Variants in NLGN4Y observed in about 807,000 individuals in gnomAD.
The protein encoded by NLGN4Y is neuroligin-4, Y-linked.
In NLGN4Y, 4 loss-of-function variants were observed where a neutral mutation model predicts 8.4. The observed-to-expected ratio is 0.48, with a 90% CI of 0.23 to 1.09. The LOEUF (loss-of-function observed/expected upper bound fraction) is 1.09. NLGN4Y is among the 50% of genes least tolerant of loss of function. The pLI is 0.19. For synonymous variants in NLGN4Y, 35 were observed against 75.6 expected (o/e 0.46, Z 2.78); for missense variants, 90 against 192.3 (o/e 0.47, Z 3.15).
intron 4 of NLGN4Y, among the ~76,000 whole-genome samples, chrY:14,788,366 C>T: frequency 3.0e-5 from 1 of 33,151 alleles, no homozygotes; most frequent in Non-Finnish European, 7.4e-5. Context: ...TCCAGGGATG[C>T]GTTCACTTCC....
chrY:14,811,352 C>T (rs2043079000), intron 4 of NLGN4Y, among the ~76,000 whole-genome samples: 2 of 33,513 alleles, frequency 6.0e-5, no homozygotes, highest in African/African-American at 1.2e-4. Flanking sequence ...TAAACTTTTC[C>T]TGTTTGGTGT....
chrY:14,623,582 G>A (rs534176122), intron 2 of NLGN4Y, among the ~76,000 whole-genome samples: 1 of 34,016 alleles, frequency 2.9e-5, no homozygotes, highest in East Asian at 7.7e-4. Context: ...TTCTTTTATG[G>A]AGAATTTTTT....
intron 1 of NLGN4Y, among the ~76,000 whole-genome samples, chrY:14,533,705 C>A: frequency 3.0e-5 from 1 of 32,848 alleles, no homozygotes; most frequent in Admixed American, 2.8e-4. Flanking sequence ...AGGTTTTAAG[C>A]CCCACATGCA....
intron 2 of NLGN4Y, among the ~76,000 whole-genome samples, chrY:14,623,519 A>G (rs2080518135): frequency 5.9e-5 from 2 of 34,176 alleles, no homozygotes; most frequent in Non-Finnish European, 1.5e-4. Context: ...TATCTAATGT[A>G]GAAACTAGAG....
At position 14,712,600 on chromosome Y, in the gene NLGN4Y, C is replaced by T. The variant is rs2080902939; in HGVS notation, c.473-6859C>T. Among the ~76,000 whole-genome samples the T allele has an allele frequency of 9.0e-5, 3 of 33,209 alleles. No homozygotes were observed. The South Asian group carries it at 2.1e-3, about 23-fold the overall frequency. The allele number at this position is 33,209 out of a possible 37,273, so 89.1% of individuals were successfully genotyped here. On this transcript the variant is annotated intron_variant, in intron 2 of 6. Coordinates refer to ENST00000684976, the MANE Select transcript of NLGN4Y (RefSeq NM_001365588.1). ...AGCCCTAACCCTCTTCCTCACCAGC[C>T]ACCCTTCTATCCCCAGACTGGCCTA...
chrY:14,563,598 A>G, intron 1 of NLGN4Y, among the ~76,000 whole-genome samples: 2 of 33,331 alleles, frequency 6.0e-5, no homozygotes, highest in Non-Finnish European at 1.5e-4. Context: ...GCTGTTTGGA[A>G]TAGTTTCCAA....
At chrY:14,689,511 G>A (rs966103799) in intron 2 of NLGN4Y, among the ~76,000 whole-genome samples, 1 of 32,677 alleles carries the variant, frequency 3.1e-5, no homozygotes, top group Non-Finnish European at 7.6e-5. Flanking sequence ...GTGGGGAGTC[G>A]ATAGAATTTG....
At chrY:14,777,531 T>C in intron 4 of NLGN4Y, among the ~76,000 whole-genome samples, 1 of 31,818 alleles carries the variant, frequency 3.1e-5, no homozygotes, top group African/African-American at 1.2e-4. Context: ...CTTTCATCAA[T>C]TTTGAGAGCA....
intron 4 of NLGN4Y, among the ~76,000 whole-genome samples, chrY:14,803,284 G>A: frequency 3.9e-5 from 1 of 25,396 alleles, no homozygotes. Flanking sequence ...TAATATATGT[G>A]ATCTTGTTAA....
chrY:14,550,516 C>G (rs1056446313), intron 1 of NLGN4Y, among the ~76,000 whole-genome samples: 1 of 33,863 alleles, frequency 3.0e-5, no homozygotes, highest in African/African-American at 1.2e-4. Flanking sequence ...TGGCTGGTGC[C>G]GGTTGTTCCT....
chrY:14,691,642 T>C (rs770114231), intron 2 of NLGN4Y, among the ~76,000 whole-genome samples: 1 of 33,558 alleles, frequency 3.0e-5, no homozygotes, highest in African/African-American at 1.2e-4. Flanking sequence ...CGTGTGTGTG[T>C]GCATGTATGT....
intron 1 of NLGN4Y, 103 bp from the exon 2 acceptor site, chrY:14,621,906 A>G (rs763909589): frequency 4.4e-4 from 71 of 162,310 alleles, no homozygotes; most frequent in African/African-American, 3.8e-3. Context: ...AATGAATAGG[A>G]ATTTCATAGA....
chrY:14,835,458 A>G (rs750727025), intron 6 of NLGN4Y, among the ~76,000 whole-genome samples: 9 of 24,097 alleles, frequency 3.7e-4, no homozygotes, highest in Non-Finnish European at 7.8e-4. Flanking sequence ...GGAAAGAAAG[A>G]GGGAAGAGGG....
intron 1 of NLGN4Y, among the ~76,000 whole-genome samples, chrY:14,567,294 A>G (rs1603499889): frequency 4.0e-5 from 1 of 25,267 alleles, no homozygotes; most frequent in East Asian, 1.0e-3. Context: ...CAATGGCACA[A>G]TCTTGGCTTA....
chrY:14,699,256 C>T, intron 2 of NLGN4Y, among the ~76,000 whole-genome samples: 7 of 33,362 alleles, frequency 2.1e-4, no homozygotes, highest in African/African-American at 8.2e-4. Flanking sequence ...GCCAAGAATG[C>T]TTTTAGTGTG....
chrY:14,727,121 T>C (rs2080957580), intron 4 of NLGN4Y, among the ~76,000 whole-genome samples: 1 of 33,441 alleles, frequency 3.0e-5, no homozygotes, highest in African/African-American at 1.2e-4. Flanking sequence ...ATTTGAGATA[T>C]TAGTATTGTC....
At chrY:14,534,426 G>C in intron 1 of NLGN4Y, among the ~76,000 whole-genome samples, 1 of 33,230 alleles carries the variant, frequency 3.0e-5, no homozygotes, top group East Asian at 7.8e-4. Flanking sequence ...GATTTAGCAG[G>C]CATACCAAAT....
At chrY:14,626,125 C>T in intron 2 of NLGN4Y, among the ~76,000 whole-genome samples, 1 of 34,030 alleles carries the variant, frequency 2.9e-5, no homozygotes, top group Admixed American at 2.6e-4. Flanking sequence ...TTCTTGGTCT[C>T]ACTGACTTCA....
At chrY:14,777,271 A>G in intron 4 of NLGN4Y, among the ~76,000 whole-genome samples, 1 of 33,662 alleles carries the variant, frequency 3.0e-5, no homozygotes, top group Non-Finnish European at 7.4e-5. Context: ...AATTCGGTGA[A>G]CTATTTCTGT....
Sources: gnomAD v4.1 joint callset for allele counts (sites outside exome capture counted in the v4.1 genomes callset) on GRCh38, gnomAD v4.1.1 for gene constraint, MANE v1.5 for transcripts, NCBI Gene and HGNC (gene_info 2026-07-23, HGNC 2026-07-21) for gene names.